CHD6: variants seen among roughly 807,000 people sequenced by gnomAD.
CHD6 encodes chromodomain helicase DNA binding protein 6, also known as ATP-dependent chromatin remodeler CHD6.
A neutral mutation model predicts 276.9 loss-of-function variants in CHD6; 50 were observed. The ratio of observed to expected loss-of-function variants is 0.18; its 90% CI spans 0.14 to 0.23. CHD6 has a LOEUF of 0.23. Among genes scored for constraint, CHD6 ranks in the 10% least tolerant of loss-of-function variants. The pLI, the probability that CHD6 is intolerant of heterozygous loss-of-function variation, is 1.00. For missense variants in CHD6, 2,564 were observed against 3,365.8 expected (o/e 0.76, Z 5.89); for synonymous variants, 1,173 against 1,229.3 (o/e 0.95, Z 0.96).
intron 2 of CHD6, among the ~76,000 whole-genome samples, chr20:41,535,413 C>T (rs2044806728): frequency 6.6e-6 from 1 of 152,132 alleles, no homozygotes; most frequent in African/African-American, 2.4e-5. Flanking sequence ...AATTGATATG[C>T]CCAAGGCTAT....
chr20:41,505,453 C>G (rs890673248), intron 5 of CHD6, among the ~76,000 whole-genome samples: 2 of 152,138 alleles, frequency 1.3e-5, no homozygotes, highest in African/African-American at 4.8e-5. Flanking sequence ...CCAGAACAGT[C>G]TCTTTTGTTT....
chr20:41,556,326 CT>C lies in CHD6; in HGVS notation c.-23-4967del, dbSNP rs537227082. On this transcript the variant is annotated intron_variant, in intron 1 of 36. Coordinates refer to ENST00000373233, the MANE Select transcript of CHD6 (RefSeq NM_032221.5). ...GGGAGACGGGAGAGGGAGAGGGCACCTTTTTTTTTTTTTTTTTGAGACAGTC... is the reference window on the plus strand; with the variant it reads ...GGGAGACGGGAGAGGGAGAGGGCACCTTTTTTTTTTTTTTTTGAGACAGTC... Among the ~76,000 whole-genome samples, 235 of 102,224 alleles carry C rather than the reference CT, an allele frequency of 2.3e-3. 15 individuals carry two copies. The highest frequency in any genetic ancestry group is 5.7e-3 in the African/African-American group (140 of 24,596). The allele number at this position is 102,224 out of a possible 152,430, so 67.1% of individuals were successfully genotyped here. A position where few individuals can be genotyped will look rare whatever the true frequency, so the allele number is the denominator to read the frequency against.
intron 17 of CHD6, among the ~76,000 whole-genome samples, chr20:41,472,365 T>C (rs964638417): frequency 6.6e-6 from 1 of 152,086 alleles, no homozygotes; most frequent in Non-Finnish European, 1.5e-5. Flanking sequence ...TCTTGCAGTA[T>C]CCCCTAGAGT....
intron 3 of CHD6, among the ~76,000 whole-genome samples, chr20:41,526,751 C>T (rs1298009283): frequency 2.0e-5 from 3 of 152,164 alleles, no homozygotes; most frequent in African/African-American, 4.8e-5. Context: ...TCATTCCTAG[C>T]AGACGTTACA....
At chr20:41,445,185 T>C (rs1322369723) in intron 25 of CHD6, among the ~76,000 whole-genome samples, 2 of 152,230 alleles carry the variant, frequency 1.3e-5, no homozygotes, top group Non-Finnish European at 2.9e-5. Flanking sequence ...AGACAGTCTA[T>C]GCTATCTTCT....
At chr20:41,433,481 T>A (rs2047608191) in intron 27 of CHD6, among the ~76,000 whole-genome samples, 1 of 152,070 alleles carries the variant, frequency 6.6e-6, no homozygotes, top group Non-Finnish European at 1.5e-5. Context: ...AAAAAAACTA[T>A]CAACCCAGAA....
At chr20:41,415,818 T>G (rs1158777831) in intron 33 of CHD6, among the ~76,000 whole-genome samples, 180 bp from the exon 34 acceptor site, 1 of 152,204 alleles carries the variant, frequency 6.6e-6, no homozygotes, top group Non-Finnish European at 1.5e-5. Context: ...TCTACTTCAG[T>G]GGGTCTGAGG....
At chr20:41,412,330 C>T in intron 35 of CHD6, 67 bp from the exon 36 acceptor site, 1 of 1,561,998 alleles carries the variant, frequency 6.4e-7, no homozygotes, top group East Asian at 2.3e-5. Context: ...GAGGCTGATG[C>T]TTTTCAACTG....
chr20:41,526,062 G>A (rs1230343943), intron 3 of CHD6, among the ~76,000 whole-genome samples: 1 of 152,030 alleles, frequency 6.6e-6, no homozygotes, highest in Non-Finnish European at 1.5e-5. Context: ...CATTTATCAA[G>A]CATTATTATT....
chr20:41,591,407 C>CACACACAT (rs1398296795), intron 1 of CHD6, among the ~76,000 whole-genome samples: 1 of 134,308 alleles, frequency 7.4e-6, no homozygotes, highest in Non-Finnish European at 1.5e-5. Context: ...CACACACACA[C>CACACACAT]ATATATATAT....
At chr20:41,519,022 CTG>C (rs746819195) in intron 3 of CHD6, among the ~76,000 whole-genome samples, 18 of 152,200 alleles carry the variant, frequency 1.2e-4, no homozygotes, top group Admixed American at 2.6e-4. Context: ...TGGCTCATGA[CTG>C]TAATCCCAGC....
chr20:41,431,444 C>G (rs922233027), intron 27 of CHD6, among the ~76,000 whole-genome samples: 1 of 152,100 alleles, frequency 6.6e-6, no homozygotes, highest in Non-Finnish European at 1.5e-5. Context: ...GGAGGACCCT[C>G]GCAGGGGAGT....
In CHD6 at chr20:41,413,549, G is replaced by C. The variant is rs41278112; in HGVS notation, c.6940-34C>G. ...AGGAAAAACGAGTATGTATAATCAC[G>C]ACACAATGAAAATTAGTTTCTAAAG... On this transcript the variant is annotated intron_variant, in intron 34 of 36. Coordinates refer to ENST00000373233, the MANE Select transcript of CHD6 (RefSeq NM_032221.5). 2,776 of 1,432,672 alleles carry C rather than the reference G, an allele frequency of 1.9e-3. 6 individuals carry two copies. The highest frequency in any genetic ancestry group is 2.8e-3 in the Admixed American group (104 of 36,604). 88.7% of individuals were successfully genotyped at this position (1,432,672 alleles called of 1,614,324 possible).
chr20:41,467,946 C>T (rs1322366123), intron 17 of CHD6, among the ~76,000 whole-genome samples: 1 of 152,138 alleles, frequency 6.6e-6, no homozygotes, highest in Non-Finnish European at 1.5e-5. Context: ...CGCCTATTCA[C>T]ATCCCACTCT....
intron 8 of CHD6, among the ~76,000 whole-genome samples, chr20:41,494,787 TC>T (rs1446734041): frequency 1.3e-5 from 2 of 152,168 alleles, no homozygotes; most frequent in African/African-American, 4.8e-5. Flanking sequence ...TTTTACAACA[TC>T]CCTGGCAAGC....
chr20:41,410,913 G>A (rs933677458), intron 36 of CHD6, among the ~76,000 whole-genome samples: 1 of 152,128 alleles, frequency 6.6e-6, no homozygotes, highest in African/African-American at 2.4e-5. Flanking sequence ...CTGAGACACC[G>A]TGTGCCGAGA....
At position 41,403,203 on chromosome 20, in the gene CHD6, A is replaced by G. The variant is rs1192452759; in HGVS notation, c.*1390T>C. ...AAAATACAGTAAATTGTGACAACAA[A>G]AAGTGAAACTGGTACTAGTAACACT... On this transcript the variant is annotated 3_prime_UTR_variant, in exon 37 of 37. Transcript: ENST00000373233. 2 of 979,318 alleles carry G rather than the reference A, an allele frequency of 2.0e-6. No homozygotes were observed. The highest frequency in any genetic ancestry group is 2.5e-6 in the Non-Finnish European group (2 of 802,026). The allele number at this position is 979,318 out of a possible 1,614,324, so 60.7% of individuals were successfully genotyped here. A position where few individuals can be genotyped will look rare whatever the true frequency, so the allele number is the denominator to read the frequency against.
At chr20:41,512,177 T>C (rs1002203646) in intron 5 of CHD6, among the ~76,000 whole-genome samples, 6 of 151,820 alleles carry the variant, frequency 4.0e-5, no homozygotes, top group Admixed American at 6.6e-5. Context: ...GTTGCCCATG[T>C]TGATCTCGAA....
intron 20 of CHD6, among the ~76,000 whole-genome samples, chr20:41,453,937 G>A (rs1359427361): frequency 6.6e-6 from 1 of 152,192 alleles, no homozygotes; most frequent in Non-Finnish European, 1.5e-5. Context: ...GTGGAACCAT[G>A]AGAGTTCAAT....
Sources: allele counts gnomAD v4.1 joint callset (sites outside exome capture counted in the v4.1 genomes callset), GRCh38; gene constraint gnomAD v4.1.1; transcripts MANE v1.5; gene names NCBI Gene and HGNC (gene_info 2026-07-23, HGNC 2026-07-21).